ADAMTS2: variants seen among roughly 807,000 people sequenced by gnomAD.
ADAMTS2 encodes ADAM metallopeptidase with thrombospondin type 1 motif 2.
A neutral mutation model predicts 123.0 loss-of-function variants in ADAMTS2; 50 were observed. The observed-to-expected ratio is 0.41, with a 90% CI of 0.32 to 0.51. ADAMTS2 has a LOEUF of 0.51. ADAMTS2 is among the 20% of genes least tolerant of loss of function. The pLI, the probability that ADAMTS2 is intolerant of heterozygous loss-of-function variation, is 0.35. For synonymous variants in ADAMTS2, 678 were observed against 695.4 expected (o/e 0.98, Z 0.39); for missense variants, 1,494 against 1,705.2 (o/e 0.88, Z 2.18).
intron 2 of ADAMTS2, among the ~76,000 whole-genome samples, chr5:179,305,690 A>G (rs1490727629): frequency 1.3e-5 from 2 of 152,190 alleles, no homozygotes; most frequent in Non-Finnish European, 2.9e-5. Flanking sequence ...AATGAAACCA[A>G]ATTTGGTTCT....
At chr5:179,215,204 T>C (rs985036637) in intron 3 of ADAMTS2, among the ~76,000 whole-genome samples, 6 of 152,324 alleles carry the variant, frequency 3.9e-5, no homozygotes, top group Admixed American at 3.9e-4. Flanking sequence ...ATTCCAGTAC[T>C]TTGGGAGGCC....
At position 179,244,713 on chromosome 5, in the gene ADAMTS2, T is replaced by C. The variant is rs1001038849; in HGVS notation, c.688+28198A>G. Reference sequence around the variant, plus strand: ...TTATTGGGCCCATATAATATATAAATGTAATATATTTGACTAACAGCACAA... The same window carrying C: ...TTATTGGGCCCATATAATATATAAACGTAATATATTTGACTAACAGCACAA... On this transcript the variant is annotated intron_variant, in intron 3 of 21. Transcript: ENST00000251582. Among the ~76,000 whole-genome samples the C allele has an allele frequency of 5.3e-5, 8 of 152,236 alleles. No individual in the cohort carries two copies. The South Asian group carries it at 1.5e-3, about 28-fold the overall frequency.
chr5:179,187,794 T>C (rs1468316170), intron 4 of ADAMTS2, among the ~76,000 whole-genome samples: 1 of 152,220 alleles, frequency 6.6e-6, no homozygotes, highest in African/African-American at 2.4e-5. Flanking sequence ...CAGCCATCTC[T>C]GTGCGGAGAG....
At position 179,235,313 on chromosome 5, in the gene ADAMTS2, G is replaced by A. The variant is rs749956135; in HGVS notation, c.689-27598C>T. On this transcript the variant is annotated intron_variant, in intron 3 of 21. Transcript: ENST00000251582. ...GGCTCATGAAGGTTTGGCACAATGG[G>A]ATGAAGGAATAGACAAGGAGCAAGA... Among the ~76,000 whole-genome samples the A allele has an allele frequency of 1.6e-4, 25 of 152,364 alleles. 1 individual carries two copies. The South Asian group carries it at 2.3e-3, about 14-fold the overall frequency.
Position 179,202,777 on chromosome 5 carries a change from A to C in ADAMTS2, c.891+4736T>G, listed in dbSNP as rs1041522093. Among the ~76,000 whole-genome samples, 2 of 152,184 alleles carry C rather than the reference A, an allele frequency of 1.3e-5. No homozygotes were observed. Among genetic ancestry groups the C allele is most frequent in the African/African-American group, 4.8e-5 (2 of 41,440 alleles). On this transcript the variant is annotated intron_variant, in intron 4 of 21. Transcript: ENST00000251582. This position sits in a 1 kb window ranked among gnomAD's most constrained non-coding sequence, Gnocchi z 4.0. ...TCGGGAGGGCCCGAGCCTATGTTGC[A>C]GCTGTACCTACTGGGACACATGGCT... is the stretch of plus-strand genomic sequence containing the variant.
At chr5:179,207,845 A>G (rs1764742512) in intron 3 of ADAMTS2, 130 bp from the exon 4 acceptor site, 3 of 849,336 alleles carry the variant, frequency 3.5e-6, no homozygotes, top group African/African-American at 1.7e-5. Flanking sequence ...ATTCCATTTT[A>G]CAGAGGAAAG....
At chr5:179,258,911 C>T (rs1766139830) in intron 3 of ADAMTS2, among the ~76,000 whole-genome samples, 1 of 152,184 alleles carries the variant, frequency 6.6e-6, no homozygotes, top group African/African-American at 2.4e-5. Context: ...TCCCAACACC[C>T]TTCCTGCACG....
intron 3 of ADAMTS2, among the ~76,000 whole-genome samples, chr5:179,230,189 G>A (rs4701083): frequency 0.046 from 7,046 of 152,332 alleles, 222 homozygotes; most frequent in Non-Finnish European, 0.075. Flanking sequence ...AGGGCAGGCT[G>A]GGCAGGGCTG....
chr5:179,168,795 G>A (rs188952288), intron 5 of ADAMTS2, among the ~76,000 whole-genome samples: 2 of 152,238 alleles, frequency 1.3e-5, no homozygotes, highest in Admixed American at 6.5e-5. Context: ...GTGCAAAGTG[G>A]GCTCCCCCAA....
chr5:179,132,256 T>G lies in ADAMTS2; in HGVS notation c.2264A>C (p.Glu755Ala), dbSNP rs754219017. 1.9e-6 allele frequency: 3 copies of G among 1,614,192 alleles called. No homozygotes were observed. The African/African-American group carries it at 4.0e-5, about 22-fold the overall frequency. Reference sequence around the variant, plus strand: ...CAGATGGTGGCTGGTGGCGTCTACCTCCTGAATGAGCAGGTGTCTGGCTCC... The same window carrying G: ...CAGATGGTGGCTGGTGGCGTCTACCGCCTGAATGAGCAGGTGTCTGGCTCC... ...PAGARHLLIQ[E>A]VDATSHHLAV... Residue 755 changes from glutamate (E) to alanine (A), a missense_variant, in exon 15 of 22, where the codon GAG becomes GCG. Physicochemically the swap from Glu to Ala is moderately radical, Grantham distance 107. Transcript: ENST00000251582. This position sits in a 1 kb window ranked among gnomAD's most constrained non-coding sequence, Gnocchi z 6.1.
At position 179,113,695 on chromosome 5, in the gene ADAMTS2, T is replaced by C; in HGVS notation, c.*172A>G. On this transcript the variant is annotated 3_prime_UTR_variant, in exon 22 of 22. Transcript: ENST00000251582. ...GGGCTGGGAAGCACACGTGCTAACC[T>C]AGTTACCACATGCTCATGCCTATCT... is the stretch of plus-strand genomic sequence containing the variant. 1.4e-6 allele frequency: 1 copy of C among 702,642 alleles called. No individual in the cohort carries two copies. The highest frequency in any genetic ancestry group is 1.8e-5 in the South Asian group (1 of 55,862). 43.5% of individuals were successfully genotyped at this position (702,642 alleles called of 1,614,324 possible). A position where few individuals can be genotyped will look rare whatever the true frequency, so the allele number is the denominator to read the frequency against.
In ADAMTS2 at chr5:179,256,676, G is replaced by GT. The variant is rs1766063902; in HGVS notation, c.688+16234_688+16235insA. Among the ~76,000 whole-genome samples the GT allele has an allele frequency of 6.6e-6, 1 of 152,172 alleles. No homozygotes were observed. ...AGGCACGAATCGGCAGGGAGGGAGGGGTTGTGTTCGCCCATCCAGAGGAGG... is the reference window on the plus strand; with the variant it reads ...AGGCACGAATCGGCAGGGAGGGAGGGTGTTGTGTTCGCCCATCCAGAGGAGG... On this transcript the variant is annotated intron_variant, in intron 3 of 21. Transcript: ENST00000251582. This position sits in a 1 kb window ranked among gnomAD's most constrained non-coding sequence, Gnocchi z 4.1.
intron 3 of ADAMTS2, among the ~76,000 whole-genome samples, chr5:179,236,629 C>T (rs1561614902): frequency 6.6e-6 from 1 of 152,078 alleles, no homozygotes; most frequent in East Asian, 1.9e-4. Context: ...TGTCTCCATA[C>T]ACATAAAAAA....
chr5:179,246,141 C>T (rs1449682823), intron 3 of ADAMTS2, among the ~76,000 whole-genome samples: 2 of 152,196 alleles, frequency 1.3e-5, no homozygotes, highest in Non-Finnish European at 2.9e-5. Context: ...TATTCTCCAA[C>T]TCAGCAGTGG....
intron 3 of ADAMTS2, among the ~76,000 whole-genome samples, chr5:179,214,156 C>CAAAATCAGAGATAACAATAAAACCCTAA (rs1561809373): frequency 9.3e-6 from 1 of 107,716 alleles, no homozygotes; most frequent in Non-Finnish European, 2.2e-5. Flanking sequence ...ATTACTGAGA[C>CAAAATCAGAGATAACAATAAAACCCTAA]ACATTAGGAC....
At chr5:179,284,426 G>A (rs907804866) in intron 2 of ADAMTS2, among the ~76,000 whole-genome samples, 3 of 152,030 alleles carry the variant, frequency 2.0e-5, no homozygotes, top group African/African-American at 7.2e-5. Flanking sequence ...CTGTCACCCA[G>A]GCTGGAGTGG....
intron 17 of ADAMTS2, among the ~76,000 whole-genome samples, 195 bp from the exon 18 acceptor site, chr5:179,126,325 G>C (rs1237076393): frequency 6.6e-6 from 1 of 152,202 alleles, no homozygotes; most frequent in Non-Finnish European, 1.5e-5. Context: ...AGGGGCGAGA[G>C]GGCAGGAGAG....
At chr5:179,342,111 C>T (rs2127462778) in intron 2 of ADAMTS2, among the ~76,000 whole-genome samples, 1 of 152,280 alleles carries the variant, frequency 6.6e-6, no homozygotes, top group East Asian at 1.9e-4. Flanking sequence ...AGGGGATAAA[C>T]ATATGAGAAG....
intron 2 of ADAMTS2, among the ~76,000 whole-genome samples, chr5:179,342,861 G>T (rs1309078094): frequency 1.3e-5 from 2 of 152,202 alleles, no homozygotes; most frequent in African/African-American, 4.8e-5. Flanking sequence ...AGGCCCCCTT[G>T]TGCTGAGCCA....
Sources: gnomAD v4.1 joint callset for allele counts (sites outside exome capture counted in the v4.1 genomes callset) on GRCh38, gnomAD v4.1.1 for gene constraint, Gnocchi (gnomAD v3.1) non-coding constraint, MANE v1.5 for transcripts, NCBI Gene and HGNC (gene_info 2026-07-23, HGNC 2026-07-21) for gene names.